Variants in EXOC4 observed in about 807,000 individuals in gnomAD.
The protein encoded by EXOC4 is exocyst complex component 4, also known as SEC8-like 1.
EXOC4 carries 71 observed loss-of-function variants against 107.2 expected under a neutral mutation model. The observed-to-expected ratio is 0.66, with a 90% CI of 0.55 to 0.81. The LOEUF is 0.81. Among genes scored for constraint, EXOC4 ranks in the 30% least tolerant of loss-of-function variants. The probability of loss-of-function intolerance (pLI) is 0.00; values close to 1 mark genes in which losing one functional copy is unlikely to be tolerated. For missense variants in EXOC4, 1,108 were observed against 1,189.6 expected (o/e 0.93, Z 1.01); for synonymous variants, 456 against 441.2 (o/e 1.03, Z -0.42).
chr7:134,097,348 G>A, the EXOC4 span, among the ~76,000 whole-genome samples: 1 of 151,838 alleles, frequency 6.6e-6, no homozygotes, highest in Non-Finnish European at 1.5e-5. Context: ...TTTAAGGTAA[G>A]CTAAAGAGTA....
intron 2 of EXOC4, among the ~76,000 whole-genome samples, chr7:133,287,683 T>C (rs573258977): frequency 6.6e-6 from 1 of 152,312 alleles, no homozygotes; most frequent in East Asian, 1.9e-4. Context: ...GAGACTTTCA[T>C]AGAAGCATGA....
chr7:133,653,347 A>T (rs987513056), intron 10 of EXOC4, among the ~76,000 whole-genome samples: 2 of 152,210 alleles, frequency 1.3e-5, no homozygotes, highest in African/African-American at 4.8e-5. Flanking sequence ...TGCTCTCAAC[A>T]TATCTACCTA....
chr7:134,100,521 G>A, the EXOC4 span, among the ~76,000 whole-genome samples: 1 of 128,176 alleles, frequency 7.8e-6, no homozygotes, highest in African/African-American at 2.7e-5. Flanking sequence ...GCTTACTGGG[G>A]TAAGAATATG....
chr7:134,001,279 CA>C (rs1794524871), intron 15 of EXOC4, among the ~76,000 whole-genome samples: 2 of 152,164 alleles, frequency 1.3e-5, no homozygotes, highest in African/African-American at 2.4e-5. Flanking sequence ...GTAGGTTCAA[CA>C]GCAACTGCCT....
intron 11 of EXOC4, among the ~76,000 whole-genome samples, chr7:133,880,400 G>A (rs1030724230): frequency 6.6e-6 from 1 of 152,134 alleles, no homozygotes; most frequent in Non-Finnish European, 1.5e-5. Flanking sequence ...GTGTGCATGG[G>A]TATGTGTTGG....
chr7:133,484,169 C>T (rs2150865638), intron 9 of EXOC4: 1 of 1,596,732 alleles, frequency 6.3e-7, no homozygotes, highest in Non-Finnish European at 8.5e-7. Context: ...AGTCTAACAA[C>T]ACCCAAGAGG....
intron 14 of EXOC4, 116 bp downstream of exon 14, chr7:133,938,185 G>C (rs1310070114): frequency 3.1e-6 from 3 of 973,020 alleles, no homozygotes; most frequent in Non-Finnish European, 4.6e-6. Context: ...CAAGCTGTCA[G>C]AAGATCCTGG....
At chr7:134,059,023 C>T (rs1006448477) in intron 17 of EXOC4, among the ~76,000 whole-genome samples, 1 of 152,162 alleles carries the variant, frequency 6.6e-6, no homozygotes, top group Non-Finnish European at 1.5e-5. Context: ...TATTTTAAAA[C>T]ACAGTTTCCA....
At chr7:133,314,491 C>A (rs1319898281) in intron 4 of EXOC4, among the ~76,000 whole-genome samples, 1 of 152,120 alleles carries the variant, frequency 6.6e-6, no homozygotes, top group Non-Finnish European at 1.5e-5. Context: ...TTTGAGGGCC[C>A]TTCTGGCTCT....
chr7:133,322,027 G>A (rs968945441), intron 5 of EXOC4, among the ~76,000 whole-genome samples: 6 of 152,222 alleles, frequency 3.9e-5, no homozygotes, highest in Non-Finnish European at 8.8e-5. Context: ...CTTTTGAGAA[G>A]TGTCTGTTCA....
At chr7:133,925,773 T>C (rs1159010319) in intron 13 of EXOC4, among the ~76,000 whole-genome samples, 1 of 151,952 alleles carries the variant, frequency 6.6e-6, no homozygotes, top group Non-Finnish European at 1.5e-5. Flanking sequence ...GAATTAAGAT[T>C]GTGCCTGTAA....
downstream of EXOC4, among the ~76,000 whole-genome samples, chr7:134,070,198 A>G (rs181238628): frequency 6.6e-6 from 1 of 152,362 alleles, no homozygotes; most frequent in Non-Finnish European, 1.5e-5. Context: ...AGGCTCGGCA[A>G]GGTGTCAACC....
In EXOC4 at chr7:133,632,217, G is replaced by A. The variant is rs759504202; in HGVS notation, c.1514+2076G>A. Among the ~76,000 whole-genome samples the A allele has an allele frequency of 1.2e-4, 19 of 152,206 alleles. No homozygotes were observed. The Middle Eastern group carries it at 0.01, about 82-fold the overall frequency. ...ATAAATGCTGCTTTGCTAGATAGTTGTTTCAAGGCTTGGTAATACTCCCAG... is the reference window on the plus strand; with the variant it reads ...ATAAATGCTGCTTTGCTAGATAGTTATTTCAAGGCTTGGTAATACTCCCAG... On this transcript the variant is annotated intron_variant, in intron 10 of 17. Transcript: ENST00000253861.
intron 7 of EXOC4, among the ~76,000 whole-genome samples, chr7:133,469,452 A>G (rs1455098324): frequency 6.6e-6 from 1 of 152,080 alleles, no homozygotes; most frequent in Non-Finnish European, 1.5e-5. Context: ...GAAAAAAACA[A>G]AAAGGAAAAT....
chr7:133,885,620 A>T (rs1799069118), intron 11 of EXOC4, among the ~76,000 whole-genome samples: 1 of 152,180 alleles, frequency 6.6e-6, no homozygotes, highest in Admixed American at 6.5e-5. Context: ...CCAAAATGCC[A>T]GGGTCCTCTG....
intron 14 of EXOC4, among the ~76,000 whole-genome samples, chr7:133,981,267 A>G (rs1167051624): frequency 2.0e-5 from 3 of 152,130 alleles, no homozygotes; most frequent in Admixed American, 1.3e-4. Context: ...CAGAGTGGCC[A>G]TGGCTTCTAA....
intron 14 of EXOC4, among the ~76,000 whole-genome samples, chr7:133,989,114 A>G (rs150751899): frequency 6.6e-6 from 1 of 152,348 alleles, no homozygotes; most frequent in African/African-American, 2.4e-5. Flanking sequence ...AAGAAAAAAT[A>G]AATATTAAGA....
chr7:133,859,109 A>G (rs986144034), intron 11 of EXOC4, among the ~76,000 whole-genome samples: 2 of 152,154 alleles, frequency 1.3e-5, no homozygotes, highest in African/African-American at 4.8e-5. Context: ...AGTTAAATCT[A>G]CAACCACTGC....
At chr7:133,734,844 G>A (rs1795403884) in intron 10 of EXOC4, among the ~76,000 whole-genome samples, 1 of 151,886 alleles carries the variant, frequency 6.6e-6, no homozygotes, top group African/African-American at 2.4e-5. Flanking sequence ...TACTCAACCT[G>A]TATCGGTTTC....
Sources: gnomAD v4.1 joint callset for allele counts (sites outside exome capture counted in the v4.1 genomes callset) on GRCh38, gnomAD v4.1.1 for gene constraint, MANE v1.5 for transcripts, NCBI Gene and HGNC (gene_info 2026-07-23, HGNC 2026-07-21) for gene names.